The following THSD7B variants were observed in gnomAD, a reference collection of about 807,000 sequenced individuals.
The protein encoded by THSD7B is thrombospondin type-1 domain-containing protein 7B.
In THSD7B, 138 loss-of-function variants were observed where a neutral mutation model predicts 213.6. The ratio of observed to expected loss-of-function variants is 0.65; its 90% CI spans 0.56 to 0.74. The LOEUF is 0.74. Among genes scored for constraint, THSD7B ranks in the 30% least tolerant of loss-of-function variants. The probability of loss-of-function intolerance (pLI) is 0.00; values close to 1 mark genes in which losing one functional copy is unlikely to be tolerated. For missense variants in THSD7B, 1,931 were observed against 1,991.5 expected (o/e 0.97, Z 0.58); for synonymous variants, 742 against 687.0 (o/e 1.08, Z -1.25).
At chr2:137,573,398 G>T (rs531327155) in intron 17 of THSD7B, among the ~76,000 whole-genome samples, 1 of 151,958 alleles carries the variant, frequency 6.6e-6, no homozygotes, top group Non-Finnish European at 1.5e-5. Flanking sequence ...AGTTAATATC[G>T]TATGTTTAGA....
chr2:137,551,492 G>A (rs1680847405), intron 15 of THSD7B, among the ~76,000 whole-genome samples: 1 of 152,024 alleles, frequency 6.6e-6, no homozygotes, highest in Non-Finnish European at 1.5e-5. Flanking sequence ...AATGTTCATG[G>A]GCCCCTTGCA....
chr2:136,942,292 C>A lies in THSD7B; in HGVS notation c.139+59975C>A, dbSNP rs189887797. ...AAGTCAGGTAGCATGATGCCTCCAG[C>A]TTTGTTATTTTTGGTTGGGATTGTC... On this transcript the variant is annotated intron_variant, in intron 2 of 27. Transcript: ENST00000409968. Among the ~76,000 whole-genome samples, 480 of 152,158 alleles carry A rather than the reference C, an allele frequency of 3.2e-3. 1 individual carries two copies. The highest frequency in any genetic ancestry group is 0.011 in the African/African-American group (459 of 41,524).
intron 15 of THSD7B, among the ~76,000 whole-genome samples, chr2:137,526,134 G>A (rs1172339823): frequency 3.3e-5 from 5 of 152,038 alleles, no homozygotes; most frequent in Non-Finnish European, 7.4e-5. Flanking sequence ...GGCAGAGAGA[G>A]AGCCATGTCC....
chr2:137,161,219 G>C (rs1394332460), intron 6 of THSD7B, among the ~76,000 whole-genome samples: 1 of 152,004 alleles, frequency 6.6e-6, no homozygotes, highest in Non-Finnish European at 1.5e-5. Context: ...ATCTTCAAAA[G>C]TTTACTCCTA....
chr2:137,027,427 C>A (rs1278043584), intron 2 of THSD7B, among the ~76,000 whole-genome samples: 4 of 152,172 alleles, frequency 2.6e-5, no homozygotes, highest in African/African-American at 9.7e-5. Flanking sequence ...GAATTACATC[C>A]CACACCTGAT....
intron 2 of THSD7B, among the ~76,000 whole-genome samples, chr2:136,894,831 T>C (rs1472107722): frequency 2.6e-5 from 4 of 152,226 alleles, no homozygotes; most frequent in African/African-American, 9.6e-5. Context: ...TGTTATTGCA[T>C]GTCTCTAGTG....
At chr2:137,261,299 A>T (rs1334358875) in intron 10 of THSD7B, among the ~76,000 whole-genome samples, 3 of 152,156 alleles carry the variant, frequency 2.0e-5, no homozygotes, top group African/African-American at 7.2e-5. Flanking sequence ...TCAGTCTCAA[A>T]GGAAGTATAG....
At chr2:137,381,845 A>G (rs1301508015) in intron 12 of THSD7B, among the ~76,000 whole-genome samples, 2 of 152,180 alleles carry the variant, frequency 1.3e-5, no homozygotes. Flanking sequence ...CTCAAAGACT[A>G]CGTGCTGCAG....
chr2:137,162,885 G>A (rs1213490667), intron 6 of THSD7B, among the ~76,000 whole-genome samples: 2 of 151,964 alleles, frequency 1.3e-5, no homozygotes, highest in Non-Finnish European at 2.9e-5. Context: ...TCAGCCTCCC[G>A]AGTAGCTGGG....
intron 5 of THSD7B, among the ~76,000 whole-genome samples, chr2:137,156,520 A>G (rs1679912050): frequency 6.6e-6 from 1 of 152,054 alleles, no homozygotes; most frequent in Non-Finnish European, 1.5e-5. Flanking sequence ...TCTAATTTCA[A>G]ATCTGAGGGT....
intron 15 of THSD7B, among the ~76,000 whole-genome samples, chr2:137,546,983 C>T (rs758721816): frequency 2.0e-5 from 3 of 151,972 alleles, no homozygotes; most frequent in Non-Finnish European, 4.4e-5. Flanking sequence ...CCGGAAAGGT[C>T]TGTATTAGTC....
intron 2 of THSD7B, among the ~76,000 whole-genome samples, chr2:136,883,451 G>A (rs57377301): frequency 6.6e-6 from 1 of 151,634 alleles, no homozygotes; most frequent in Non-Finnish European, 1.5e-5. Context: ...TTACTGATTT[G>A]CATTTTTTTT....
chr2:137,140,718 G>T (rs1679563102), intron 5 of THSD7B, among the ~76,000 whole-genome samples: 1 of 152,030 alleles, frequency 6.6e-6, no homozygotes, highest in Non-Finnish European at 1.5e-5. Context: ...TTTATGATAA[G>T]AACTGTTTTC....
At chr2:137,251,998 G>A (rs1682188701) in intron 10 of THSD7B, among the ~76,000 whole-genome samples, 2 of 152,180 alleles carry the variant, frequency 1.3e-5, no homozygotes, top group African/African-American at 2.4e-5. Flanking sequence ...GCTGGGCGCA[G>A]TGGCTCACGC....
At chr2:137,521,339 G>A (rs1238974896) in intron 15 of THSD7B, among the ~76,000 whole-genome samples, 1 of 152,178 alleles carries the variant, frequency 6.6e-6, no homozygotes, top group Non-Finnish European at 1.5e-5. Flanking sequence ...AGGGGGGGCT[G>A]TGACTACAGA....
intron 15 of THSD7B, among the ~76,000 whole-genome samples, chr2:137,502,973 T>C (rs573814806): frequency 3.7e-4 from 56 of 152,194 alleles, no homozygotes; most frequent in Non-Finnish European, 7.4e-4. Context: ...CATTACTGCA[T>C]ATTACATATA....
At chr2:137,327,984 G>T (rs538857832) in intron 12 of THSD7B, among the ~76,000 whole-genome samples, 1 of 152,110 alleles carries the variant, frequency 6.6e-6, no homozygotes, top group Admixed American at 6.6e-5. Context: ...CACCACTGAG[G>T]CAAAGAATTA....
chr2:136,795,632 T>C (rs960198715), intron 1 of THSD7B, among the ~76,000 whole-genome samples: 24 of 152,030 alleles, frequency 1.6e-4, no homozygotes, highest in Non-Finnish European at 1.5e-5. Context: ...ATTTGACTAT[T>C]CATCCATTTA....
At chr2:137,014,038 G>T (rs1305097727) in intron 2 of THSD7B, among the ~76,000 whole-genome samples, 1 of 152,146 alleles carries the variant, frequency 6.6e-6, no homozygotes, top group Non-Finnish European at 1.5e-5. Flanking sequence ...TCCCTTGGGA[G>T]AGCTGACTGC....
Sources: gnomAD v4.1 joint callset for allele counts (sites outside exome capture counted in the v4.1 genomes callset) on GRCh38, gnomAD v4.1.1 for gene constraint, MANE v1.5 for transcripts, NCBI Gene and HGNC (gene_info 2026-07-23, HGNC 2026-07-21) for gene names.